EYS: variants seen among roughly 807,000 people sequenced by gnomAD.
EYS encodes EGF-like photoreceptor maintenance factor.
In EYS, 250 loss-of-function variants were observed where a neutral mutation model predicts 282.1. The ratio of observed to expected loss-of-function variants is 0.89; its 90% CI spans 0.80 to 0.98. The LOEUF is 0.98. Ranked by LOEUF, EYS falls within the 50% of genes least tolerant of loss-of-function variation. The pLI is 0.00. For missense variants in EYS, 4,016 were observed against 3,709.0 expected, an observed-to-expected ratio of 1.08 and a Z score of -2.15; for synonymous variants, 1,355 against 1,282.9, an observed-to-expected ratio of 1.06 and a Z score of -1.20.
intron 29 of EYS, among the ~76,000 whole-genome samples, chr6:64,349,671 T>C (rs1354027209): frequency 3.3e-5 from 5 of 151,382 alleles, no homozygotes; most frequent in Admixed American, 3.3e-4. Flanking sequence ...TTTTTAGTTT[T>C]GTTTTTCAAT....
At chr6:63,724,885 TAGC>T (rs200327511) in intron 42 of EYS, among the ~76,000 whole-genome samples, 2,739 of 152,222 alleles carry the variant, frequency 0.018, 40 homozygotes, top group South Asian at 0.035. Flanking sequence ...TAGGTCCTCT[TAGC>T]AGAGGATCAA....
chr6:63,985,405 C>G (rs142878242), intron 34 of EYS, among the ~76,000 whole-genome samples: 1 of 151,656 alleles, frequency 6.6e-6, no homozygotes, highest in Non-Finnish European at 1.5e-5. Context: ...AACTGTAAGA[C>G]ATTTCTGTGG....
intron 5 of EYS, among the ~76,000 whole-genome samples, chr6:65,459,082 A>G (rs1459026027): frequency 6.6e-6 from 1 of 152,116 alleles, no homozygotes; most frequent in Non-Finnish European, 1.5e-5. Flanking sequence ...AATCAGAGAA[A>G]AACACTTTTG....
rs867687076 is a variant in EYS at position 64,082,111 on chromosome 6, A to G, written c.6425-109T>C. On this transcript the variant is annotated intron_variant, in intron 31 of 42. Transcript: ENST00000503581. Reference sequence around the variant, plus strand: ...ATTCATTTGAAAAGGTAACACTAGTATTTAAAATGTTAGGTCCAATTTTAA... The same window carrying G: ...ATTCATTTGAAAAGGTAACACTAGTGTTTAAAATGTTAGGTCCAATTTTAA... 5.2e-5 allele frequency: 36 copies of G among 689,192 alleles called. No homozygotes were observed. The African/African-American group carries it at 6.4e-4, about 12-fold the overall frequency. The allele number at this position is 689,192 out of a possible 1,614,324, so 42.7% of individuals were successfully genotyped here. A position where few individuals can be genotyped will look rare whatever the true frequency, so the allele number is the denominator to read the frequency against.
intron 1 of EYS, among the ~76,000 whole-genome samples, chr6:65,697,479 T>C (rs1242536881): frequency 6.6e-6 from 1 of 152,104 alleles, no homozygotes; most frequent in Admixed American, 6.5e-5. Context: ...ATCTGTCAAT[T>C]TGATTTTCTA....
At chr6:65,362,114 A>G (rs2150334612) in intron 8 of EYS, among the ~76,000 whole-genome samples, 1 of 152,228 alleles carries the variant, frequency 6.6e-6, no homozygotes, top group East Asian at 1.9e-4. Flanking sequence ...CAAGAACAAA[A>G]ATGTGGCTAC....
chr6:64,419,816 G>C (rs1484728318), intron 28 of EYS, among the ~76,000 whole-genome samples: 1 of 152,222 alleles, frequency 6.6e-6, no homozygotes, highest in East Asian at 1.9e-4. Context: ...TCAGGGGCTG[G>C]TGTTGAATGT....
intron 26 of EYS, among the ~76,000 whole-genome samples, chr6:64,500,821 T>G (rs1777014400): frequency 6.6e-6 from 1 of 152,116 alleles, no homozygotes; most frequent in African/African-American, 2.4e-5. Context: ...AATGTGATTG[T>G]GTCAAGATGA....
intron 41 of EYS, among the ~76,000 whole-genome samples, chr6:63,742,648 A>C (rs1408634085): frequency 1.3e-5 from 2 of 152,050 alleles, no homozygotes; most frequent in Non-Finnish European, 2.9e-5. Context: ...TTTCAGAACC[A>C]GTTCTCTTAG....
In EYS at chr6:65,495,364, C is replaced by G. The variant is rs755010017; in HGVS notation, c.47G>C (p.Ser16Thr). ...ACATGTTTTTCCATTTATGAAAGAG[C>G]TGTGAAAAACCATCAGGCTCAGAAT... ...IVILSLMVFHSSFINGKTCRR... is the reference protein window; with the variant it reads ...IVILSLMVFHTSFINGKTCRR... The change falls in exon 4 of 43, where the codon AGC becomes ACC. Residue 16 changes from serine to threonine, a missense_variant. By Grantham distance (58) the Ser-to-Thr change is moderately conservative (BLOSUM62 1). Transcript: ENST00000503581. 3 of 1,613,088 alleles carry G rather than the reference C, an allele frequency of 1.9e-6. No individual in the cohort carries two copies. Among genetic ancestry groups the G allele is most frequent in the Non-Finnish European group, 2.5e-6 (3 of 1,179,986 alleles).
At position 65,057,513 on chromosome 6, in the gene EYS, T is replaced by C. The variant is rs1049783745; in HGVS notation, c.2137+101A>G. On this transcript the variant is annotated intron_variant, in intron 13 of 42. Coordinates refer to ENST00000503581, the MANE Select transcript of EYS (RefSeq NM_001142800.2). ...AGCTGACTTTAAGAAAATGAAGGAC[T>C]AATAATGTTGTTGGAAGACTGAAAT... 33 of 757,538 alleles carry C rather than the reference T, an allele frequency of 4.4e-5. No homozygotes were observed. In the East Asian group the frequency reaches 8.3e-4, roughly 19 times the overall value. 46.9% of individuals were successfully genotyped at this position (757,538 alleles called of 1,614,324 possible).
intron 12 of EYS, among the ~76,000 whole-genome samples, chr6:65,267,758 T>C (rs900361178): frequency 6.6e-6 from 1 of 151,856 alleles, no homozygotes; most frequent in African/African-American, 2.4e-5. Flanking sequence ...TACCAAAACT[T>C]TAAAATTCAA....
At chr6:64,616,194 A>G (rs954677150) in intron 24 of EYS, among the ~76,000 whole-genome samples, 6 of 152,150 alleles carry the variant, frequency 3.9e-5, no homozygotes, top group Non-Finnish European at 5.9e-5. Context: ...AATAAAAGAC[A>G]CATCTCAGTA....
intron 33 of EYS, among the ~76,000 whole-genome samples, chr6:64,031,683 T>A (rs376562674): frequency 9.2e-5 from 14 of 152,086 alleles, no homozygotes; most frequent in African/African-American, 2.7e-4. Context: ...TTGTGAATGC[T>A]CCAATTGACA....
At chr6:64,981,420 C>T (rs980989997) in intron 14 of EYS, among the ~76,000 whole-genome samples, 4 of 151,090 alleles carry the variant, frequency 2.6e-5, no homozygotes, top group African/African-American at 9.7e-5. Context: ...TGAACAAATT[C>T]ACTTTTGTTC....
intron 24 of EYS, among the ~76,000 whole-genome samples, chr6:64,615,858 T>C (rs1767256963): frequency 6.6e-6 from 1 of 152,108 alleles, no homozygotes; most frequent in Non-Finnish European, 1.5e-5. Flanking sequence ...AAATGCATTA[T>C]GTCTATAACA....
chr6:65,459,624 C>T (rs964309620), intron 5 of EYS, among the ~76,000 whole-genome samples: 2 of 147,134 alleles, frequency 1.4e-5, no homozygotes, highest in Non-Finnish European at 3.0e-5. Context: ...GCAAGAAGTG[C>T]CTGACACCTG....
At chr6:64,186,593 T>C (rs1171450281) in intron 31 of EYS, among the ~76,000 whole-genome samples, 4 of 152,096 alleles carry the variant, frequency 2.6e-5, no homozygotes, top group Non-Finnish European at 5.9e-5. Flanking sequence ...GACTAAGACT[T>C]GTACTAGGAA....
intron 22 of EYS, among the ~76,000 whole-genome samples, chr6:64,642,890 C>G (rs1768207977): frequency 6.6e-6 from 1 of 152,156 alleles, no homozygotes; most frequent in African/African-American, 2.4e-5. Context: ...CTGAGGCGGA[C>G]AGATGACCTG....
Sources: gnomAD v4.1 joint callset for allele counts (sites outside exome capture counted in the v4.1 genomes callset) on GRCh38, gnomAD v4.1.1 for gene constraint, MANE v1.5 for transcripts, NCBI Gene and HGNC (gene_info 2026-07-23, HGNC 2026-07-21) for gene names.